ZFC3H1: variants seen among roughly 807,000 people sequenced by gnomAD.
ZFC3H1 encodes zinc finger C3H1 domain-containing protein.
In ZFC3H1, 71 loss-of-function variants were observed where a neutral mutation model predicts 243.7. The ratio of observed to expected loss-of-function variants is 0.29; its 90% confidence interval spans 0.24 to 0.36. The LOEUF (loss-of-function observed/expected upper bound fraction) is 0.36. Ranked by LOEUF, ZFC3H1 falls within the 10% of genes least tolerant of loss-of-function variation. ZFC3H1 has a pLI of 1.00. For missense variants in ZFC3H1, 1,966 were observed against 2,317.1 expected (o/e 0.85, Z 3.11); for synonymous variants, 838 against 813.0 (o/e 1.03, Z -0.52).
Position 71,637,018 on chromosome 12 carries a change from A to G in ZFC3H1, c.1767T>C (p.Cys589=), listed in dbSNP as rs755096158. ...PLSQPYVEGL[C]VSLEPLPPLP... ...GAGGAGGTAGAGGTTCAAGAGAAAC[A>G]CACAAGCCTTCCACATAAGGCTGGC... The change falls in exon 8 of 35, where the codon TGT becomes TGC. Residue 589 remains cysteine (C), a synonymous_variant. Coordinates refer to ENST00000378743, the MANE Select transcript of ZFC3H1 (RefSeq NM_144982.5). The G allele has an allele frequency of 2.5e-5, 40 of 1,613,888 alleles. No homozygotes were observed. The highest frequency in any genetic ancestry group is 3.2e-5 in the Non-Finnish European group (38 of 1,179,932).
chr12:71,626,470 G>A, intron 21 of ZFC3H1, 24 bp from the exon 22 acceptor site: 1 of 1,556,834 alleles, frequency 6.4e-7, no homozygotes, highest in East Asian at 2.3e-5. Context: ...AGAAAAGGTG[G>A]AAGTGCTTTT....
chr12:71,653,686 A>T (rs1880945647), intron 2 of ZFC3H1, among the ~76,000 whole-genome samples: 1 of 152,252 alleles, frequency 6.6e-6, no homozygotes, highest in Admixed American at 6.5e-5. Flanking sequence ...GAGTTTTGAA[A>T]ATCAACAATG....
intron 27 of ZFC3H1, among the ~76,000 whole-genome samples, chr12:71,618,017 C>A (rs1375843603): frequency 6.6e-6 from 1 of 152,128 alleles, no homozygotes; most frequent in East Asian, 1.9e-4. Context: ...GTAATCCTAG[C>A]ACTTTGGGAG....
chr12:71,632,684 C>A (rs569865587), intron 14 of ZFC3H1, among the ~76,000 whole-genome samples, 170 bp from the exon 15 acceptor site: 4 of 152,112 alleles, frequency 2.6e-5, no homozygotes, highest in Non-Finnish European at 5.9e-5. Flanking sequence ...GCTAGTTAAT[C>A]TATGACTTAT....
intron 2 of ZFC3H1, among the ~76,000 whole-genome samples, chr12:71,654,464 A>C (rs1880967087): frequency 6.6e-6 from 1 of 152,166 alleles, no homozygotes; most frequent in South Asian, 2.1e-4. Flanking sequence ...CAGAGAATAT[A>C]TTTATACATA....
intron 3 of ZFC3H1, among the ~76,000 whole-genome samples, chr12:71,646,183 A>AC (rs1880725786): frequency 6.6e-6 from 1 of 152,228 alleles, no homozygotes; most frequent in Non-Finnish European, 1.5e-5. Context: ...ACTGTCATAC[A>AC]CTTCAGTACT....
At chr12:71,626,032 C>G (rs1880156336) in intron 22 of ZFC3H1, among the ~76,000 whole-genome samples, 1 of 151,972 alleles carries the variant, frequency 6.6e-6, no homozygotes, top group Non-Finnish European at 1.5e-5. Flanking sequence ...ATAAAGTTAA[C>G]AACAACAAAA....
chr12:71,632,937 T>A lies in ZFC3H1; in HGVS notation c.2766A>T (p.Ala922=), dbSNP rs750779154. Residue 922 remains alanine, a synonymous_variant, in exon 14 of 35, where the codon GCA becomes GCT. Coordinates refer to ENST00000378743, the MANE Select transcript of ZFC3H1 (RefSeq NM_144982.5). The part of the protein sequence containing the change: ...KYGEELARAK[A]VASKEIGKRK... ...GTTTTCCTATTTCTTTACTGGCCAC[T>A]GCCTTTGCCCGAGCAAGCTCTTCTC... 35 of 1,613,780 alleles carry A rather than the reference T, an allele frequency of 2.2e-5. No individual in the cohort carries two copies. In the South Asian group the frequency reaches 2.9e-4, roughly 13 times the overall value.
chr12:71,645,219 T>C, intron 3 of ZFC3H1, 144 bp from the exon 4 acceptor site: 2 of 723,538 alleles, frequency 2.8e-6, no homozygotes, highest in South Asian at 2.0e-5. Context: ...AGTAAACTAA[T>C]TTACTTCCCA....
At position 71,636,996 on chromosome 12, in the gene ZFC3H1, G is replaced by A; in HGVS notation, c.1789C>T (p.Pro597Ser). ...GGGAGAGGTGGTAATGGTGGTAGAGGAGGTAGAGGTTCAAGAGAAACACAC... is the reference window on the plus strand; with the variant it reads ...GGGAGAGGTGGTAATGGTGGTAGAGAAGGTAGAGGTTCAAGAGAAACACAC... ...GLCVSLEPLPPLPPLPPLPPE... is the reference protein window; with the variant it reads ...GLCVSLEPLPSLPPLPPLPPE... The change falls in exon 8 of 35, where the codon CCT becomes TCT. Residue 597 changes from proline to serine, a missense_variant. By Grantham distance (74) the Pro-to-Ser change is moderately conservative. Coordinates refer to ENST00000378743, the MANE Select transcript of ZFC3H1 (RefSeq NM_144982.5). The A allele has an allele frequency of 6.2e-7, 1 of 1,614,072 alleles. No individual in the cohort carries two copies. The highest frequency in any genetic ancestry group is 8.5e-7 in the Non-Finnish European group (1 of 1,179,950).
intron 9 of ZFC3H1, among the ~76,000 whole-genome samples, chr12:71,635,984 T>C (rs1196832736): frequency 1.3e-5 from 2 of 152,194 alleles, no homozygotes; most frequent in Non-Finnish European, 2.9e-5. Flanking sequence ...TTTCAACTTG[T>C]CTTTGTTCTA....
intron 12 of ZFC3H1, 67 bp downstream of exon 12, chr12:71,634,088 C>T: frequency 4.0e-6 from 6 of 1,483,192 alleles, no homozygotes; most frequent in Non-Finnish European, 4.6e-6. Flanking sequence ...TTATTAATAA[C>T]ATACACCACA....
At chr12:71,635,413 T>C (rs1260180965) in intron 10 of ZFC3H1, 30 bp downstream of exon 10, 3 of 1,552,288 alleles carry the variant, frequency 1.9e-6, no homozygotes, top group African/African-American at 1.4e-5. Flanking sequence ...AAAGGTCATC[T>C]TTCTTTCCAC....
chr12:71,660,126 G>A (rs370018479), intron 1 of ZFC3H1, among the ~76,000 whole-genome samples: 29 of 152,218 alleles, frequency 1.9e-4, no homozygotes, highest in African/African-American at 6.7e-4. Flanking sequence ...CTAAATTACA[G>A]AAATATGCCA....
intron 9 of ZFC3H1, among the ~76,000 whole-genome samples, chr12:71,636,156 T>C (rs1880453219): frequency 6.6e-6 from 1 of 152,124 alleles, no homozygotes; most frequent in Non-Finnish European, 1.5e-5. Flanking sequence ...AAACATGCAA[T>C]TTGTTAAAAT....
chr12:71,622,624 G>GCC lies in ZFC3H1; in HGVS notation c.4744+735_4744+736insGG, dbSNP rs1433393605. On this transcript the variant is annotated intron_variant, in intron 24 of 34. Coordinates refer to ENST00000378743, the MANE Select transcript of ZFC3H1 (RefSeq NM_144982.5). ...AATACAGGCGTGAATCACCACGCCC[G>GCC]GCTAAATTTTGTATTTTTAGTAGAG... Among the ~76,000 whole-genome samples the GCC allele has an allele frequency of 6.8e-4, 103 of 152,122 alleles. No individual in the cohort carries two copies. The East Asian group carries it at 8.9e-3, about 13-fold the overall frequency.
At chr12:71,634,057 A>G in intron 12 of ZFC3H1, 98 bp downstream of exon 12, 1 of 1,240,434 alleles carries the variant, frequency 8.1e-7, no homozygotes, top group Middle Eastern at 2.0e-4. Flanking sequence ...AAGTGAGAAA[A>G]TGTATAATCT....
At chr12:71,610,590 A>G in intron 34 of ZFC3H1, 25 bp from the exon 35 acceptor site, 2 of 1,612,874 alleles carry the variant, frequency 1.2e-6, no homozygotes, top group Non-Finnish European at 1.7e-6. Flanking sequence ...GAAGCATAGA[A>G]GTAAGACTTA....
intron 26 of ZFC3H1, 46 bp downstream of exon 26, chr12:71,619,880 T>G (rs780632002): frequency 3.2e-6 from 5 of 1,540,716 alleles, no homozygotes; most frequent in South Asian, 1.2e-5. Context: ...ATAGCAAAAT[T>G]TGAAACATAA....
Sources: gnomAD v4.1 joint callset for allele counts (sites outside exome capture counted in the v4.1 genomes callset) on GRCh38, gnomAD v4.1.1 for gene constraint, MANE v1.5 for transcripts, NCBI Gene and HGNC (gene_info 2026-07-23, HGNC 2026-07-21) for gene names.